CSF2RB: variants seen among roughly 807,000 people sequenced by gnomAD.
CSF2RB encodes the protein colony stimulating factor 2 receptor subunit beta.
A neutral mutation model predicts 67.2 loss-of-function variants in CSF2RB; 22 were observed. That is an observed-to-expected ratio of 0.33 (90% confidence interval 0.23 to 0.47). The LOEUF (loss-of-function observed/expected upper bound fraction) is 0.47. Among genes scored for constraint, CSF2RB ranks in the 20% least tolerant of loss-of-function variants. The pLI is 1.00. For missense variants in CSF2RB, 1,113 were observed against 1,174.5 expected, an observed-to-expected ratio of 0.95 and a Z score of 0.76; for synonymous variants, 507 against 482.9, an observed-to-expected ratio of 1.05 and a Z score of -0.65.
chr22:36,925,955 A>C, intron 3 of CSF2RB, 32 bp from the exon 4 acceptor site: 1 of 1,613,108 alleles, frequency 6.2e-7, no homozygotes, highest in Admixed American at 1.7e-5. Context: ...ATACCCATAC[A>C]CCCTGGGCTA....
chr22:36,914,728 C>A (rs796349800), intron 1 of CSF2RB, among the ~76,000 whole-genome samples: 7 of 152,248 alleles, frequency 4.6e-5, no homozygotes, highest in African/African-American at 1.4e-4. Context: ...TTTCTATCAT[C>A]TTTCCTGCTT....
rs972878934 is a variant in CSF2RB, at chr22:36,938,746, T to A, written c.*244T>A. On this transcript the variant is annotated 3_prime_UTR_variant, in exon 14 of 14. Coordinates refer to ENST00000403662, the MANE Select transcript of CSF2RB (RefSeq NM_000395.3). Reference sequence around the variant, plus strand: ...ATTTTTCCTGTCAGGTTAACTTATTTGTAGGTTCTGCATTATTAGAACTTT... The same window carrying A: ...ATTTTTCCTGTCAGGTTAACTTATTAGTAGGTTCTGCATTATTAGAACTTT... The A allele has an allele frequency of 3.5e-6, 2 of 567,152 alleles. No individual in the cohort carries two copies. Among genetic ancestry groups the A allele is most frequent in the South Asian group, 5.0e-5 (2 of 39,730 alleles). 35.1% of individuals were successfully genotyped at this position (567,152 alleles called of 1,614,324 possible). A position where few individuals can be genotyped will look rare whatever the true frequency, so the allele number is the denominator to read the frequency against.
chr22:36,936,038 C>A (rs536425822), intron 12 of CSF2RB, among the ~76,000 whole-genome samples: 13 of 152,270 alleles, frequency 8.5e-5, no homozygotes, highest in African/African-American at 3.1e-4. Context: ...CTGGGCTGAG[C>A]TTTGAGGGTC....
rs1431256083 is a variant in CSF2RB at position 36,938,297 on chromosome 22, C to T, written c.2489C>T (p.Pro830Leu). Reference protein sequence around the residue: ...GDYCFLPGLGPGPLSLRSKPS... With the variant: ...GDYCFLPGLGLGPLSLRSKPS... ...TATTGCTTCCTCCCCGGCCTGGGGC[C>T]CGGCCCTCTCTCGCTCCGGAGTAAA... is the stretch of plus-strand genomic sequence containing the variant. Residue 830 changes from proline (P) to leucine (L), a missense_variant, in exon 14 of 14, where the codon CCC becomes CTC. Coordinates refer to ENST00000403662, the MANE Select transcript of CSF2RB (RefSeq NM_000395.3). 6.2e-7 allele frequency: 1 copy of T among 1,614,226 alleles called. No homozygotes were observed. Among genetic ancestry groups the T allele is most frequent in the Non-Finnish European group, 8.5e-7 (1 of 1,180,036 alleles).
At chr22:36,917,834 A>G (rs1251189326) in intron 1 of CSF2RB, among the ~76,000 whole-genome samples, 2 of 152,086 alleles carry the variant, frequency 1.3e-5, no homozygotes, top group Non-Finnish European at 2.9e-5. Context: ...AAGTCACAAG[A>G]GTCGCTTGAA....
At position 36,929,363 on chromosome 22, in the gene CSF2RB, G is replaced by A. The variant is rs76327427; in HGVS notation, c.392-39G>A. 12,253 of 1,613,886 alleles carry A rather than the reference G, an allele frequency of 7.6e-3. 347 individuals carry two copies. Among genetic ancestry groups the A allele is most frequent in the South Asian group, 0.059 (5,336 of 91,060 alleles). ...ATGCAGGCCCTGACTGCCCCCCAGC[G>A]GTCCAGCCCTTAGGTGCCCTTCACT... On this transcript the variant is annotated intron_variant, in intron 4 of 13. Coordinates refer to ENST00000403662, the MANE Select transcript of CSF2RB (RefSeq NM_000395.3).
At chr22:36,925,078 C>G (rs768868456) in intron 3 of CSF2RB, among the ~76,000 whole-genome samples, 3 of 152,250 alleles carry the variant, frequency 2.0e-5, no homozygotes, top group Admixed American at 6.5e-5. Flanking sequence ...CGCTCTCACC[C>G]GAGCTGCGCT....
chr22:36,928,182 T>C (rs573961370), intron 4 of CSF2RB, among the ~76,000 whole-genome samples: 2 of 151,946 alleles, frequency 1.3e-5, no homozygotes, highest in African/African-American at 4.8e-5. Flanking sequence ...CTGCTCTGAG[T>C]CTCCATGTTT....
At chr22:36,936,699 G>A (rs1941275210) in intron 13 of CSF2RB, 47 bp downstream of exon 13, 1 of 1,509,424 alleles carries the variant, frequency 6.6e-7, no homozygotes, top group Non-Finnish European at 9.1e-7. Flanking sequence ...TTCATACGGG[G>A]GGCTGACTCC....
At chr22:36,926,619 G>A (rs1221301536) in intron 4 of CSF2RB, among the ~76,000 whole-genome samples, 1 of 152,192 alleles carries the variant, frequency 6.6e-6, no homozygotes, top group Non-Finnish European at 1.5e-5. Context: ...AGCCTTCCCG[G>A]GGGCTTCCTG....
rs369435413 is a variant in CSF2RB at position 36,924,780 on chromosome 22, T to C, written c.201-1207T>C. Among the ~76,000 whole-genome samples, 54 of 152,216 alleles carry C rather than the reference T, an allele frequency of 3.5e-4. No individual in the cohort carries two copies. The South Asian group carries it at 6.0e-3, about 17-fold the overall frequency. ...CACCGCGGCCTCCCTGCAGTTTCTC[T>C]TGCACCTGACTCTGCCCACAGCTCA... is the stretch of plus-strand genomic sequence containing the variant. On this transcript the variant is annotated intron_variant, in intron 3 of 13. Transcript: ENST00000403662.
chr22:36,922,767 G>T, intron 2 of CSF2RB: 1 of 282,578 alleles, frequency 3.5e-6, no homozygotes. Flanking sequence ...CAGAGACCTG[G>T]CTTCTGTGAT....
chr22:36,934,192 T>C (rs570314473), intron 10 of CSF2RB, among the ~76,000 whole-genome samples, 198 bp downstream of exon 10: 1 of 152,110 alleles, frequency 6.6e-6, no homozygotes, highest in Non-Finnish European at 1.5e-5. Flanking sequence ...GACCCGCAAG[T>C]TGAAAGAGGC....
chr22:36,933,321 G>A (rs1941196402), intron 9 of CSF2RB, among the ~76,000 whole-genome samples: 2 of 152,102 alleles, frequency 1.3e-5, no homozygotes, highest in Non-Finnish European at 2.9e-5. Context: ...GCCAGGGCTC[G>A]GTCCCCTGCC....
At chr22:36,920,588 G>T (rs1940834951) in intron 1 of CSF2RB, among the ~76,000 whole-genome samples, 2 of 152,216 alleles carry the variant, frequency 1.3e-5, no homozygotes, top group African/African-American at 4.8e-5. Context: ...CCTAACGGAT[G>T]AGTACATTGG....
intron 8 of CSF2RB, among the ~76,000 whole-genome samples, chr22:36,931,413 G>A (rs780828711): frequency 6.6e-6 from 1 of 152,168 alleles, no homozygotes; most frequent in African/African-American, 2.4e-5. Flanking sequence ...TTAATTACCT[G>A]GGTTTGAATT....
chr22:36,923,880 G>C (rs2145787445), intron 3 of CSF2RB: 3 of 981,034 alleles, frequency 3.1e-6, no homozygotes, highest in Non-Finnish European at 4.2e-6. Flanking sequence ...GACGTGTCTG[G>C]GAGGGGGCTC....
chr22:36,919,584 C>G (rs1397264534), intron 1 of CSF2RB, among the ~76,000 whole-genome samples: 3 of 137,574 alleles, frequency 2.2e-5, no homozygotes, highest in Admixed American at 7.4e-5. Flanking sequence ...TTTTTTTTTG[C>G]GTTTTTAGTA....
At chr22:36,931,737 A>C (rs890393004) in intron 8 of CSF2RB, among the ~76,000 whole-genome samples, 14 of 152,138 alleles carry the variant, frequency 9.2e-5, no homozygotes, top group Non-Finnish European at 1.8e-4. Flanking sequence ...TGCCTCTTTC[A>C]AGTTGTGGGT....
Sources: allele counts gnomAD v4.1 joint callset (sites outside exome capture counted in the v4.1 genomes callset), GRCh38; gene constraint gnomAD v4.1.1; transcripts MANE v1.5; gene names NCBI Gene and HGNC (gene_info 2026-07-23, HGNC 2026-07-21).